The following SLC25A30 variants were observed in gnomAD, a reference collection of about 807,000 sequenced individuals.
SLC25A30 encodes solute carrier family 25 member 30.
Under a neutral mutation model 42.7 loss-of-function variants are expected in SLC25A30, and 29 were observed. The observed-to-expected ratio is 0.68, with a 90% CI of 0.51 to 0.93. SLC25A30 has a LOEUF of 0.93. SLC25A30 is among the 40% of genes least tolerant of loss of function. SLC25A30 has a pLI of 0.00. For missense variants in SLC25A30, 300 were observed against 359.7 expected (o/e 0.83, Z 1.34); for synonymous variants, 124 against 131.0 (o/e 0.95, Z 0.37).
the SLC25A30 span, among the ~76,000 whole-genome samples, chr13:45,425,212 A>G: frequency 6.8e-5 from 7 of 102,994 alleles, no homozygotes; most frequent in African/African-American, 2.8e-4. Context: ...GTAAGTATAT[A>G]TATACGTATG....
chr13:45,422,613 A>G (rs1593640136), upstream of SLC25A30, among the ~76,000 whole-genome samples: 1 of 152,054 alleles, frequency 6.6e-6, no homozygotes, highest in East Asian at 1.9e-4. Context: ...GTTGGTAGGG[A>G]CCTAGGTTGC....
the SLC25A30 span, among the ~76,000 whole-genome samples, chr13:45,427,246 T>C: frequency 6.6e-6 from 1 of 152,176 alleles, no homozygotes. Context: ...CTCTCAATCC[T>C]CTGTCTCTCC....
At chr13:45,428,229 T>C in the SLC25A30 span, among the ~76,000 whole-genome samples, 1,335 of 151,808 alleles carry the variant, frequency 8.8e-3, 68 homozygotes, top group Admixed American at 0.08. Context: ...TTATTTTTTT[T>C]TGAGACAGAG....
chr13:45,424,640 A>AATATAT, the SLC25A30 span, among the ~76,000 whole-genome samples: 1 of 35,718 alleles, frequency 2.8e-5, no homozygotes, highest in African/African-American at 1.6e-4. Context: ...TATGTATATA[A>AATATAT]ACATAAATAT....
At chr13:45,428,592 T>C in the SLC25A30 span, among the ~76,000 whole-genome samples, 36 of 139,034 alleles carry the variant, frequency 2.6e-4, no homozygotes, top group Admixed American at 9.0e-4. Context: ...GCGTGATCTC[T>C]GCTTACTGCA....
upstream of SLC25A30, among the ~76,000 whole-genome samples, chr13:45,419,145 A>AG (rs1177976054): frequency 2.5e-3 from 364 of 146,814 alleles, no homozygotes; most frequent in Non-Finnish European, 3.8e-3. Flanking sequence ...AAAAAAAAAA[A>AG]AAAAAAGAAA....
chr13:45,425,790 T>G, the SLC25A30 span, among the ~76,000 whole-genome samples: 1 of 145,876 alleles, frequency 6.9e-6, no homozygotes, highest in Admixed American at 7.2e-5. Context: ...CCTCCTGAAT[T>G]CAAGCAATTC....
In SLC25A30 at chr13:45,409,023, G is replaced by T; in HGVS notation, c.116C>A (p.Thr39Lys). 6.2e-7 allele frequency: 1 copy of T among 1,612,846 alleles called. No homozygotes were observed. Among genetic ancestry groups the T allele is most frequent in the Non-Finnish European group, 8.5e-7 (1 of 1,179,506 alleles). The change falls in exon 3 of 10, where the codon ACG becomes AAG. Residue 39 changes from threonine (T) to lysine (K), a missense_variant. Thr to Lys is a moderately conservative substitution (Grantham distance 78). Coordinates refer to ENST00000519676, the MANE Select transcript of SLC25A30 (RefSeq NM_001010875.4). ...TKTRLQIQGQTNDAKFKEIRY... is the reference protein window; with the variant it reads ...TKTRLQIQGQKNDAKFKEIRY... ...AATTTCCTTAAATTTTGCATCATTC[G>T]TCTGGCCTTGAATCTGGAGCCGTGT...
chr13:45,432,081 C>A, the SLC25A30 span, among the ~76,000 whole-genome samples: 18 of 151,916 alleles, frequency 1.2e-4, no homozygotes, highest in Non-Finnish European at 1.5e-5. Context: ...ACCAGCATGG[C>A]TAACATAGTG....
chr13:45,431,201 C>T, the SLC25A30 span, among the ~76,000 whole-genome samples: 1 of 150,540 alleles, frequency 6.6e-6, no homozygotes, highest in Non-Finnish European at 1.5e-5. Context: ...GCATGTACCA[C>T]CACACCCGGC....
chr13:45,419,932 TG>T, upstream of SLC25A30, among the ~76,000 whole-genome samples: 1 of 142,938 alleles, frequency 7.0e-6, no homozygotes. Flanking sequence ...CACTCTAGCC[TG>T]GGTGACAGCG....
At chr13:45,415,616 T>C (rs1442156688) in intron 1 of SLC25A30, among the ~76,000 whole-genome samples, 2 of 151,406 alleles carry the variant, frequency 1.3e-5, no homozygotes, top group African/African-American at 4.8e-5. Context: ...CTGGGCATGG[T>C]GGCAGATGCC....
In SLC25A30 at chr13:45,404,385, C is replaced by A; in HGVS notation, c.335G>T (p.Cys112Phe). ...EDETLPINVI[C>F]GILSGVISST... is the part of the protein sequence containing the mutation. The stretch of plus-strand genomic sequence containing the variant: ...AGATATGACTCCAGACAGAATTCCA[C>A]ATATCACATTTATCGGTAGAGTTTC... Residue 112 changes from cysteine to phenylalanine, a missense_variant, in exon 5 of 10, where the codon TGT becomes TTT. Cys to Phe is a radical substitution (Grantham distance 205, BLOSUM62 -2). Coordinates refer to ENST00000519676, the MANE Select transcript of SLC25A30 (RefSeq NM_001010875.4). The A allele has an allele frequency of 1.9e-6, 3 of 1,613,296 alleles. No homozygotes were observed. Among genetic ancestry groups the A allele is most frequent in the Non-Finnish European group, 2.5e-6 (3 of 1,179,326 alleles).
intron 9 of SLC25A30, 47 bp from the exon 10 acceptor site, chr13:45,396,062 C>T (rs757583403): frequency 3.1e-6 from 5 of 1,614,022 alleles, no homozygotes; most frequent in African/African-American, 1.3e-5. Flanking sequence ...ATCTTCACAA[C>T]TCCAGTGCAT....
At chr13:45,424,374 AAT>A in the SLC25A30 span, among the ~76,000 whole-genome samples, 2 of 71,208 alleles carry the variant, frequency 2.8e-5, no homozygotes, top group African/African-American at 1.2e-4. Flanking sequence ...AATATATATA[AAT>A]ATATAGATAT....
At chr13:45,406,042 C>A in intron 3 of SLC25A30, 65 bp from the exon 4 acceptor site, 1 of 1,457,320 alleles carries the variant, frequency 6.9e-7, no homozygotes, top group Non-Finnish European at 9.6e-7. Context: ...GCTAGGCAAC[C>A]CACATGCAGA....
At chr13:45,423,513 TATATATATACAA>T in the SLC25A30 span, among the ~76,000 whole-genome samples, 26 of 125,238 alleles carry the variant, frequency 2.1e-4, no homozygotes, top group East Asian at 6.1e-4. Context: ...GAATAGTTTA[TATATATATACAA>T]ATATATATAC....
Position 45,393,386 on chromosome 13 carries a change from T to C in SLC25A30, c.*2588A>G. On this transcript the variant is annotated 3_prime_UTR_variant, in exon 10 of 10. Coordinates refer to ENST00000519676, the MANE Select transcript of SLC25A30 (RefSeq NM_001010875.4). ...AGGCTTATGCCACATATTCCAACAA[T>C]GTTTAAATAAAGAGCTTGAAATATA... 2.0e-6 allele frequency: 2 copies of C among 981,140 alleles called. No individual in the cohort carries two copies. Among genetic ancestry groups the C allele is most frequent in the Non-Finnish European group, 2.4e-6 (2 of 826,054 alleles). The allele number at this position is 981,140 out of a possible 1,614,324, so 60.8% of individuals were successfully genotyped here.
intron 8 of SLC25A30, 191 bp from the exon 9 acceptor site, chr13:45,397,529 A>G (rs912103177): frequency 2.3e-6 from 1 of 426,458 alleles, no homozygotes; most frequent in Non-Finnish European, 4.2e-6. Flanking sequence ...TGTCTCTACT[A>G]AAAATACAAA....
Sources: gnomAD v4.1 joint callset for allele counts (sites outside exome capture counted in the v4.1 genomes callset) on GRCh38, gnomAD v4.1.1 for gene constraint, MANE v1.5 for transcripts, NCBI Gene and HGNC (gene_info 2026-07-23, HGNC 2026-07-21) for gene names.